Variants in SPEF2 observed in about 807,000 individuals in gnomAD.
SPEF2 encodes sperm flagella and cilia-associated protein 2.
SPEF2 carries 187 observed loss-of-function variants against 224.6 expected under a neutral mutation model. The observed-to-expected ratio is 0.83, with a 90% CI of 0.74 to 0.94. SPEF2 has a LOEUF of 0.94. Among genes scored for constraint, SPEF2 ranks in the 40% least tolerant of loss-of-function variants. SPEF2 has a pLI of 0.00. For missense variants in SPEF2, 2,170 were observed against 2,135.6 expected, an observed-to-expected ratio of 1.02 and a Z score of -0.32; for synonymous variants, 715 against 707.3, an observed-to-expected ratio of 1.01 and a Z score of -0.17.
chr5:35,665,241 G>C (rs1750307559), intron 8 of SPEF2, among the ~76,000 whole-genome samples: 1 of 152,106 alleles, frequency 6.6e-6, no homozygotes, highest in African/African-American at 2.4e-5. Context: ...TCAGATTTTA[G>C]AGTCCAGGCT....
chr5:35,674,254 C>A (rs957924939), intron 10 of SPEF2, among the ~76,000 whole-genome samples: 3 of 150,630 alleles, frequency 2.0e-5, no homozygotes, highest in Non-Finnish European at 4.4e-5. Context: ...TGAGATCTTT[C>A]TTCCTGGCTC....
intron 36 of SPEF2, among the ~76,000 whole-genome samples, chr5:35,811,564 C>A (rs1346405485): frequency 6.6e-6 from 1 of 151,634 alleles, no homozygotes; most frequent in Admixed American, 6.6e-5. Flanking sequence ...CCTCAAAGTG[C>A]CTTGGTGTCT....
intron 7 of SPEF2, among the ~76,000 whole-genome samples, chr5:35,655,591 A>G (rs545203894): frequency 6.6e-6 from 1 of 152,286 alleles, no homozygotes; most frequent in East Asian, 1.9e-4. Flanking sequence ...AAGCATGGAT[A>G]AAGAGTCAGG....
chr5:35,802,446 T>A (rs1757549513), intron 34 of SPEF2, among the ~76,000 whole-genome samples: 1 of 151,750 alleles, frequency 6.6e-6, no homozygotes, highest in Non-Finnish European at 1.5e-5. Flanking sequence ...TGAACAAAAA[T>A]TATTCCAGGC....
intron 29 of SPEF2, 104 bp downstream of exon 29, chr5:35,776,499 T>C: frequency 7.3e-7 from 1 of 1,378,080 alleles, no homozygotes; most frequent in Non-Finnish European, 9.8e-7. Context: ...GTTACAAATA[T>C]AAATTTTGGC....
At chr5:35,647,223 T>C (rs750785719) in intron 5 of SPEF2, among the ~76,000 whole-genome samples, 1 of 151,794 alleles carries the variant, frequency 6.6e-6, no homozygotes, top group African/African-American at 2.4e-5. Flanking sequence ...GGTTGGAAGA[T>C]TCAAGACTGG....
chr5:35,660,696 G>A (rs995205739), intron 8 of SPEF2, among the ~76,000 whole-genome samples: 3 of 152,116 alleles, frequency 2.0e-5, no homozygotes, highest in African/African-American at 7.2e-5. Flanking sequence ...AGACTGAGTG[G>A]CATTTACTTA....
intron 18 of SPEF2, among the ~76,000 whole-genome samples, chr5:35,707,741 C>T (rs1740085926): frequency 6.6e-6 from 1 of 152,086 alleles, no homozygotes; most frequent in South Asian, 2.1e-4. Flanking sequence ...TCCATCCCTC[C>T]AGGCATCTGG....
chr5:35,776,002 A>T (rs1753568260), intron 28 of SPEF2, among the ~76,000 whole-genome samples: 1 of 152,212 alleles, frequency 6.6e-6, no homozygotes, highest in Non-Finnish European at 1.5e-5. Context: ...CATTTATCAA[A>T]GAGTAGATTG....
intron 29 of SPEF2, 83 bp downstream of exon 29, chr5:35,776,478 A>C (rs1561347371): frequency 6.8e-7 from 1 of 1,473,654 alleles, no homozygotes; most frequent in Non-Finnish European, 9.1e-7. Context: ...GGTATTTACA[A>C]ATTTAAGTTA....
intron 10 of SPEF2, among the ~76,000 whole-genome samples, chr5:35,672,812 A>C (rs1751370416): frequency 6.6e-6 from 1 of 152,160 alleles, no homozygotes; most frequent in South Asian, 2.1e-4. Context: ...ACCTTTAAAG[A>C]ACTGACAGTT....
chr5:35,787,463 G>A (rs1054678978), intron 30 of SPEF2, among the ~76,000 whole-genome samples: 1 of 152,122 alleles, frequency 6.6e-6, no homozygotes, highest in Non-Finnish European at 1.5e-5. Context: ...GGATTCTAAA[G>A]TGAAGAAGAG....
At chr5:35,726,655 A>G (rs1468168548) in intron 20 of SPEF2, among the ~76,000 whole-genome samples, 3 of 152,240 alleles carry the variant, frequency 2.0e-5, no homozygotes, top group East Asian at 1.9e-4. Context: ...CAGCATTATC[A>G]TTAAATAATA....
At chr5:35,658,316 A>C (rs906384782) in intron 7 of SPEF2, among the ~76,000 whole-genome samples, 4 of 152,092 alleles carry the variant, frequency 2.6e-5, no homozygotes, top group African/African-American at 9.7e-5. Flanking sequence ...ACATCTATCT[A>C]GTTTTTCTTT....
In SPEF2 at chr5:35,709,020, C is replaced by T; in HGVS notation, c.2738C>T (p.Thr913Ile). ...AASLAELPLP[T>I]PPPAPPPEPE... is the part of the protein sequence containing the mutation. ...TCCCTGGCTGAGCTTCCACTTCCTA[C>T]ACCTCCTCCTGCTCCTCCTCCTGAA... Residue 913 changes from threonine to isoleucine, a missense_variant, in exon 19 of 37, where the codon ACA becomes ATA. By Grantham distance (89) the Thr-to-Ile change is moderately conservative. Coordinates refer to ENST00000356031, the MANE Select transcript of SPEF2 (RefSeq NM_024867.4). 6 of 1,613,896 alleles carry T rather than the reference C, an allele frequency of 3.7e-6. No homozygotes were observed. The highest frequency in any genetic ancestry group is 5.1e-6 in the Non-Finnish European group (6 of 1,179,878).
chr5:35,707,318 TTGA>T (rs1233334718), intron 18 of SPEF2, among the ~76,000 whole-genome samples: 1 of 152,182 alleles, frequency 6.6e-6, no homozygotes, highest in Non-Finnish European at 1.5e-5. Context: ...ATATATATAC[TTGA>T]TGATGGGGAA....
chr5:35,707,985 T>C (rs1740149393), intron 18 of SPEF2, among the ~76,000 whole-genome samples: 2 of 152,188 alleles, frequency 1.3e-5, no homozygotes, highest in African/African-American at 4.8e-5. Context: ...AACTTATTCA[T>C]CATATTTATG....
At chr5:35,735,959 A>G (rs903220936) in intron 21 of SPEF2, among the ~76,000 whole-genome samples, 3 of 152,210 alleles carry the variant, frequency 2.0e-5, no homozygotes. Flanking sequence ...TTCAATAACT[A>G]TTACTTCAGG....
At chr5:35,715,104 A>C (rs939131593) in intron 20 of SPEF2, among the ~76,000 whole-genome samples, 5 of 151,928 alleles carry the variant, frequency 3.3e-5, no homozygotes, top group African/African-American at 1.2e-4. Flanking sequence ...TTTTGTAGAG[A>C]TGGGGTTTCA....
Sources: allele counts gnomAD v4.1 joint callset (sites outside exome capture counted in the v4.1 genomes callset), GRCh38; gene constraint gnomAD v4.1.1; transcripts MANE v1.5; gene names NCBI Gene and HGNC (gene_info 2026-07-23, HGNC 2026-07-21).